WRN: variants seen among roughly 807,000 people sequenced by gnomAD.
WRN encodes the protein WRN RecQ like helicase, also known as bifunctional 3'-5' exonuclease/ATP-dependent helicase WRN.
Under a neutral mutation model 180.7 loss-of-function variants are expected in WRN, and 149 were observed. The ratio of observed to expected loss-of-function variants is 0.82; its 90% CI spans 0.72 to 0.94. The LOEUF (loss-of-function observed/expected upper bound fraction) is 0.94. Ranked by LOEUF, WRN falls within the 40% of genes least tolerant of loss-of-function variation. The probability of loss-of-function intolerance (pLI) is 0.00; values close to 1 mark genes in which losing one functional copy is unlikely to be tolerated. For synonymous variants in WRN, 548 were observed against 568.9 expected, an observed-to-expected ratio of 0.96 and a Z score of 0.52; for missense variants, 1,661 against 1,700.1, an observed-to-expected ratio of 0.98 and a Z score of 0.40.
chr8:31,163,538 G>A (rs1803719841), intron 33 of WRN, among the ~76,000 whole-genome samples: 1 of 152,006 alleles, frequency 6.6e-6, no homozygotes, highest in African/African-American at 2.4e-5. Context: ...AAAGAAATAT[G>A]CAATTTCTAA....
At chr8:31,082,581 T>C (rs1033937668) in intron 9 of WRN, among the ~76,000 whole-genome samples, 2 of 152,124 alleles carry the variant, frequency 1.3e-5, no homozygotes, top group Non-Finnish European at 2.9e-5. Flanking sequence ...TATAATATTA[T>C]AGGATTATCA....
In WRN at chr8:31,059,230, T is replaced by C; in HGVS notation, c.174T>C (p.Asp58=). The change falls in exon 3 of 35, where the codon GAT becomes GAC. Residue 58 remains aspartate, a synonymous_variant. Coordinates refer to ENST00000298139, the MANE Select transcript of WRN (RefSeq NM_000553.6). Reference sequence around the variant, plus strand: ...CTGGATCCATTGTGTATAGTTACGATGCTAGTGATTGCTCTTTCCTGTCAG... The same window carrying C: ...CTGGATCCATTGTGTATAGTTACGACGCTAGTGATTGCTCTTTCCTGTCAG... ...EFTGSIVYSY[D]ASDCSFLSED... 6.2e-7 allele frequency: 1 copy of C among 1,613,878 alleles called. No homozygotes were observed. Among genetic ancestry groups the C allele is most frequent in the Middle Eastern group, 1.7e-4 (1 of 6,056 alleles).
At chr8:31,162,043 T>C (rs1457931881) in intron 33 of WRN, among the ~76,000 whole-genome samples, 4 of 152,070 alleles carry the variant, frequency 2.6e-5, no homozygotes, top group African/African-American at 9.7e-5. Context: ...GTCTACCTAC[T>C]GTATAACGTA....
chr8:31,149,880 C>A (rs886903672), intron 30 of WRN, among the ~76,000 whole-genome samples: 1 of 152,096 alleles, frequency 6.6e-6, no homozygotes, highest in Non-Finnish European at 1.5e-5. Context: ...AAATATTGAG[C>A]TAAAAGTCTG....
intron 7 of WRN, among the ~76,000 whole-genome samples, chr8:31,074,037 C>G (rs868746872): frequency 1.3e-5 from 2 of 151,932 alleles, no homozygotes; most frequent in Non-Finnish European, 2.9e-5. Context: ...CTGCCTCAGC[C>G]TCCGGAGTAG....
intron 1 of WRN, among the ~76,000 whole-genome samples, chr8:31,042,681 T>C (rs947170987): frequency 1.2e-4 from 19 of 152,202 alleles, no homozygotes; most frequent in Non-Finnish European, 2.4e-4. Context: ...TTTTACCTTT[T>C]GGGGTTAGCA....
At chr8:31,089,042 T>C in intron 13 of WRN, 77 bp downstream of exon 13, 2 of 1,283,802 alleles carry the variant, frequency 1.6e-6, no homozygotes, top group Non-Finnish European at 2.2e-6. Context: ...ATAACCTGTC[T>C]GCTTAACAGC....
intron 23 of WRN, among the ~76,000 whole-genome samples, chr8:31,127,936 A>C (rs1045608065): frequency 2.6e-5 from 4 of 151,946 alleles, no homozygotes; most frequent in Non-Finnish European, 5.9e-5. Context: ...TCTCACATAA[A>C]AAAAATAATA....
chr8:31,161,589 A>G (rs1469657057), intron 33 of WRN, among the ~76,000 whole-genome samples: 1 of 152,222 alleles, frequency 6.6e-6, no homozygotes, highest in Non-Finnish European at 1.5e-5. Flanking sequence ...CTGTAATCCC[A>G]GCACTTTGGG....
chr8:31,036,665 T>C (rs1811463204), intron 1 of WRN, among the ~76,000 whole-genome samples: 1 of 152,250 alleles, frequency 6.6e-6, no homozygotes, highest in East Asian at 1.9e-4. Flanking sequence ...GAAATGTCTA[T>C]TCAGGTCTTT....
Position 31,157,419 on chromosome 8 carries a change from T to C in WRN, c.3871T>C (p.Leu1291=). The change falls in exon 33 of 35, where the codon TTA becomes CTA. Residue 1291 remains leucine (L), a synonymous_variant. Coordinates refer to ENST00000298139, the MANE Select transcript of WRN (RefSeq NM_000553.6). ...ILPLMTIGMH[L]SQAVKAGCPL... is the part of the protein sequence containing the mutation. ...GCCTCTCATGACAATTGGCATGCAC[T>C]TATCCCAAGCGGTGAAAGCTGGCTG... The C allele has an allele frequency of 6.2e-7, 1 of 1,614,112 alleles. No individual in the cohort carries two copies. Among genetic ancestry groups the C allele is most frequent in the Non-Finnish European group, 8.5e-7 (1 of 1,180,010 alleles).
chr8:31,136,535 A>T (rs1274063347), intron 24 of WRN, among the ~76,000 whole-genome samples: 1 of 151,984 alleles, frequency 6.6e-6, no homozygotes, highest in Non-Finnish European at 1.5e-5. Flanking sequence ...TACAGTTTTA[A>T]ATTTGTATTT....
At chr8:31,044,143 G>A (rs1232558589) in intron 1 of WRN, among the ~76,000 whole-genome samples, 1 of 151,302 alleles carries the variant, frequency 6.6e-6, no homozygotes, top group Non-Finnish European at 1.5e-5. Flanking sequence ...CCAGGTTCAC[G>A]CCATTCTCCT....
chr8:31,145,136 A>G (rs1802808158), intron 28 of WRN, among the ~76,000 whole-genome samples: 1 of 152,244 alleles, frequency 6.6e-6, no homozygotes, highest in African/African-American at 2.4e-5. Context: ...AGATCTAGCT[A>G]AGATCATCGA....
chr8:31,039,960 T>C (rs55895301), intron 1 of WRN, among the ~76,000 whole-genome samples: 9,046 of 152,280 alleles, frequency 0.059, 281 homozygotes, highest in South Asian at 0.082. Flanking sequence ...TCTGCTACTG[T>C]TTTGAGCATA....
intron 14 of WRN, 148 bp from the exon 15 acceptor site, chr8:31,090,686 T>C (rs1813712036): frequency 9.6e-7 from 1 of 1,037,664 alleles, no homozygotes; most frequent in Admixed American, 2.5e-5. Flanking sequence ...TGCTCAGATT[T>C]ATGTATCAAT....
chr8:31,116,383 T>C lies in WRN; in HGVS notation c.2303T>C (p.Ile768Thr). 6.2e-7 allele frequency: 1 copy of C among 1,613,998 alleles called. No individual in the cohort carries two copies. Among genetic ancestry groups the C allele is most frequent in the Non-Finnish European group, 8.5e-7 (1 of 1,179,930 alleles). ...SSHWEFEGPT[I>T]IYCPSRKMTQ... ...CACTGGGAATTTGAAGGTCCAACAA[T>C]CATCTACTGTCCTTCTAGAAAAATG... The change falls in exon 20 of 35, where the codon ATC becomes ACC. Residue 768 changes from isoleucine to threonine, a missense_variant. Around this residue, in one of 3 missense-constraint regions of WRN, gnomAD observed 1,141 missense variants for 1,149.4 expected, o/e 0.99. Coordinates refer to ENST00000298139, the MANE Select transcript of WRN (RefSeq NM_000553.6).
At chr8:31,051,562 G>A (rs1563322935) in intron 1 of WRN, among the ~76,000 whole-genome samples, 1 of 152,080 alleles carries the variant, frequency 6.6e-6, no homozygotes, top group Admixed American at 6.5e-5. Context: ...CACTTAAGAT[G>A]AATTTCTTCC....
chr8:31,155,437 C>A (rs1249199499), intron 32 of WRN, among the ~76,000 whole-genome samples: 2 of 151,976 alleles, frequency 1.3e-5, no homozygotes, highest in African/African-American at 4.8e-5. Context: ...AGTTGGACAA[C>A]ATAGGGAGAC....
Sources: allele counts gnomAD v4.1 joint callset (sites outside exome capture counted in the v4.1 genomes callset), GRCh38; gene constraint gnomAD v4.1.1; regional missense constraint gnomAD v4.1.1; transcripts MANE v1.5; gene names NCBI Gene and HGNC (gene_info 2026-07-23, HGNC 2026-07-21).